Variants in TSPEAR observed in about 807,000 individuals in gnomAD.
TSPEAR encodes thrombospondin type laminin G domain and EAR repeats, also known as thrombospondin-type laminin G domain and EAR repeat-containing protein.
A neutral mutation model predicts 71.6 loss-of-function variants in TSPEAR; 69 were observed. The observed-to-expected ratio is 0.96, with a 90% CI of 0.79 to 1.18. TSPEAR has a LOEUF of 1.18. Among genes scored for constraint, TSPEAR ranks in the 50% most tolerant of loss-of-function variants. The pLI is 0.00. For missense variants in TSPEAR, 971 were observed against 894.9 expected (o/e 1.09, Z -1.09); for synonymous variants, 402 against 387.2 (o/e 1.04, Z -0.45).
rs587681806 is a variant in TSPEAR at position 44,551,622 on chromosome 21, T to A, written c.303+16163A>T. 131 of 1,006,110 alleles carry A rather than the reference T, an allele frequency of 1.3e-4. 1 individual carries two copies. The East Asian group carries it at 3.3e-3, about 26-fold the overall frequency. The allele number at this position is 1,006,110 out of a possible 1,614,324, so 62.3% of individuals were successfully genotyped here. A position where few individuals can be genotyped will look rare whatever the true frequency, so the allele number is the denominator to read the frequency against. On this transcript the variant is annotated intron_variant, in intron 2 of 11. Coordinates refer to ENST00000323084, the MANE Select transcript of TSPEAR (RefSeq NM_144991.3). ...GACTCAGCAACGCCCTCCACTTCCG[T>A]GTTGGTGTTTGGAGCCGGGAGGACC...
chr21:44,648,856 C>A (rs1555940810), intron 1 of TSPEAR, among the ~76,000 whole-genome samples: 1 of 152,254 alleles, frequency 6.6e-6, no homozygotes, highest in African/African-American at 2.4e-5. Context: ...GTCCATGCAA[C>A]TGTCCAAGCC....
chr21:44,688,010 G>A (rs561247006), intron 1 of TSPEAR, among the ~76,000 whole-genome samples: 2 of 152,146 alleles, frequency 1.3e-5, no homozygotes, highest in Admixed American at 6.5e-5. Context: ...AGGGCCGGGC[G>A]CGTGGATGCC....
intron 1 of TSPEAR, chr21:44,676,252 G>T (rs1474518352): frequency 3.1e-6 from 4 of 1,294,158 alleles, no homozygotes; most frequent in Non-Finnish European, 3.4e-6. Context: ...GACTCTAAGG[G>T]TCTCTTCACT....
At chr21:44,657,501 T>G (rs1985220353) in intron 1 of TSPEAR, among the ~76,000 whole-genome samples, 1 of 152,350 alleles carries the variant, frequency 6.6e-6, no homozygotes, top group Non-Finnish European at 1.5e-5. Context: ...AGAGTTCATT[T>G]GAAAAACAGG....
chr21:44,515,379 C>CCAGCAG (rs1188117851), intron 9 of TSPEAR: 1 of 152,372 alleles, frequency 6.6e-6, no homozygotes, highest in Non-Finnish European at 1.5e-5. Flanking sequence ...GATGGCGCCC[C>CCAGCAG]CAGCAGCCAG....
At chr21:44,690,050 C>G (rs1413894576) in intron 1 of TSPEAR, among the ~76,000 whole-genome samples, 2 of 152,082 alleles carry the variant, frequency 1.3e-5, no homozygotes, top group Non-Finnish European at 2.9e-5. Flanking sequence ...TTTGGCAACA[C>G]CCTTACAGAC....
intron 2 of TSPEAR, among the ~76,000 whole-genome samples, chr21:44,541,683 T>C (rs782807108): frequency 6.6e-6 from 1 of 152,144 alleles, no homozygotes; most frequent in Non-Finnish European, 1.5e-5. Context: ...CCTGACAAGG[T>C]GGAGGGATTC....
intron 1 of TSPEAR, among the ~76,000 whole-genome samples, chr21:44,655,951 C>T (rs1160052789): frequency 3.9e-5 from 6 of 152,168 alleles, no homozygotes; most frequent in African/African-American, 1.4e-4. Flanking sequence ...ATGAAATCCC[C>T]TCCAAGGCTG....
In TSPEAR at chr21:44,637,655, T is replaced by G; in HGVS notation, c.83-69650A>C. On this transcript the variant is annotated intron_variant, in intron 1 of 11. Transcript: ENST00000323084. ...AACCCCATGCTACCAGCAGTCTAGC[T>G]GCCAGCCGGATTGCTGCACCTCCTC... The G allele has an allele frequency of 2.5e-6, 4 of 1,581,512 alleles. No individual in the cohort carries two copies. Among genetic ancestry groups the G allele is most frequent in the Non-Finnish European group, 3.4e-6 (4 of 1,162,186 alleles).
intron 2 of TSPEAR, among the ~76,000 whole-genome samples, chr21:44,557,089 A>ACC (rs2053544144): frequency 6.6e-6 from 1 of 152,182 alleles, no homozygotes; most frequent in Non-Finnish European, 1.5e-5. Context: ...AGTGGCCAGA[A>ACC]TGAGGTTTTG....
intron 1 of TSPEAR, among the ~76,000 whole-genome samples, chr21:44,618,542 G>C (rs2146188628): frequency 6.6e-6 from 1 of 152,332 alleles, no homozygotes; most frequent in South Asian, 2.1e-4. Context: ...AAAAGCAACA[G>C]AGCCCAATAG....
intron 1 of TSPEAR, chr21:44,637,360 C>T: frequency 6.4e-7 from 1 of 1,567,222 alleles, no homozygotes; most frequent in Non-Finnish European, 8.7e-7. Flanking sequence ...CACACACACT[C>T]ACTCACACAC....
chr21:44,697,657 T>C (rs994376773), intron 1 of TSPEAR: 2 of 1,611,998 alleles, frequency 1.2e-6, no homozygotes, highest in Non-Finnish European at 1.7e-6. Context: ...AGTCCTGCTG[T>C]GTGCCCGTCT....
At chr21:44,609,526 G>A (rs1981526029) in intron 1 of TSPEAR, among the ~76,000 whole-genome samples, 1 of 152,164 alleles carries the variant, frequency 6.6e-6, no homozygotes, top group African/African-American at 2.4e-5. Context: ...GAGATCCCAG[G>A]AAACCTGTGT....
intron 2 of TSPEAR, among the ~76,000 whole-genome samples, chr21:44,562,513 A>C (rs1459936345): frequency 1.3e-5 from 2 of 152,224 alleles, no homozygotes; most frequent in Non-Finnish European, 2.9e-5. Flanking sequence ...CTACATATCC[A>C]GGACCTCAGA....
At chr21:44,677,210 C>T (rs1477004151) in intron 1 of TSPEAR, 2 of 714,102 alleles carry the variant, frequency 2.8e-6, no homozygotes, top group Non-Finnish European at 5.2e-6. Flanking sequence ...TCACACTTTT[C>T]ATCTTCTCTA....
chr21:44,708,227 G>C (rs1307749085), intron 1 of TSPEAR, among the ~76,000 whole-genome samples: 3 of 152,084 alleles, frequency 2.0e-5, no homozygotes, highest in African/African-American at 7.2e-5. Context: ...GTCTGAGTGG[G>C]GAGCTGGGCC....
chr21:44,703,927 C>T (rs571740058), intron 1 of TSPEAR, among the ~76,000 whole-genome samples: 1 of 152,162 alleles, frequency 6.6e-6, no homozygotes, highest in Non-Finnish European at 1.5e-5. Flanking sequence ...GAGCTGGAAC[C>T]GGCTGGGACT....
chr21:44,540,096 C>T, intron 2 of TSPEAR: 2 of 1,613,774 alleles, frequency 1.2e-6, no homozygotes, highest in Non-Finnish European at 1.7e-6. Flanking sequence ...CAGGCATCCA[C>T]CTGCCAGGAG....
Sources: allele counts gnomAD v4.1 joint callset (sites outside exome capture counted in the v4.1 genomes callset), GRCh38; gene constraint gnomAD v4.1.1; transcripts MANE v1.5; gene names NCBI Gene and HGNC (gene_info 2026-07-23, HGNC 2026-07-21).